DENND2A: variants seen among roughly 807,000 people sequenced by gnomAD.
DENND2A encodes the protein DENN domain containing 2A.
In DENND2A, 53 loss-of-function variants were observed where a neutral mutation model predicts 105.3. The observed-to-expected ratio is 0.50, with a 90% CI of 0.40 to 0.63. DENND2A has a LOEUF of 0.63. Among genes scored for constraint, DENND2A ranks in the 30% least tolerant of loss-of-function variants. The pLI, the probability that DENND2A is intolerant of heterozygous loss-of-function variation, is 0.00. For synonymous variants in DENND2A, 522 were observed against 508.4 expected, an observed-to-expected ratio of 1.03 and a Z score of -0.36; for missense variants, 1,138 against 1,279.6, an observed-to-expected ratio of 0.89 and a Z score of 1.69.
chr7:140,536,074 C>T (rs1585572558), intron 14 of DENND2A, among the ~76,000 whole-genome samples: 1 of 152,004 alleles, frequency 6.6e-6, no homozygotes, highest in East Asian at 1.9e-4. Flanking sequence ...TAGAGAAGGC[C>T]GGGCATGGTG....
chr7:140,635,047 G>C (rs1463795779), intron 1 of DENND2A, among the ~76,000 whole-genome samples: 2 of 152,030 alleles, frequency 1.3e-5, no homozygotes, highest in African/African-American at 2.4e-5. Flanking sequence ...TGGATTGCTT[G>C]AGTCCAGGAG....
chr7:140,531,053 A>C (rs965790259), intron 14 of DENND2A, among the ~76,000 whole-genome samples: 1 of 152,182 alleles, frequency 6.6e-6, no homozygotes, highest in Non-Finnish European at 1.5e-5. Context: ...CTTTCGAAGG[A>C]TCTAGATCTA....
Position 140,527,425 on chromosome 7 carries a change from G to T in DENND2A, c.2398C>A (p.Pro800Thr), listed in dbSNP as rs1796099165. 1 of 1,600,988 alleles carries T rather than the reference G, an allele frequency of 6.2e-7. No individual in the cohort carries two copies. Among genetic ancestry groups the T allele is most frequent in the Non-Finnish European group, 8.5e-7 (1 of 1,175,620 alleles). The change falls in exon 15 of 20, where the codon CCG becomes ACG. Residue 800 changes from proline to threonine, a missense_variant. This residue lies in a region of DENND2A where 627 missense variants were observed against 779.8 expected (regional missense o/e 0.80). Transcript: ENST00000496613. This position sits in a 1 kb window ranked among gnomAD's most constrained non-coding sequence, Gnocchi z 4.9. ...TCGACCATGGCGGGTGGCAGCACCG[G>T]GATGTAGGTGTGCTGCCAGGCGAAG... ...YPFAWQHTYIPVLPPAMVDIV... is the reference protein window; with the variant it reads ...YPFAWQHTYITVLPPAMVDIV...
chr7:140,557,531 A>ATTT (rs1156756617), intron 11 of DENND2A, among the ~76,000 whole-genome samples: 9 of 39,646 alleles, frequency 2.3e-4, no homozygotes, highest in Admixed American at 3.9e-4. Flanking sequence ...ATATATATAT[A>ATTT]TTTTTTTTTT....
Position 140,521,848 on chromosome 7 carries a change from CCCTCA to C in DENND2A, c.2911+2_2911+6del. ...GACTCGGCCCCAACAGAGAAGATGC[CCCTCA>C]CCTTTGGCATCCTGCCGGCGCAGCT... is the stretch of plus-strand genomic sequence containing the variant. On this transcript the variant is annotated splice_donor_variant and splice_donor_5th_base_variant and intron_variant, in intron 18 of 19. Transcript: ENST00000496613. LOFTEE classifies it high-confidence loss of function. The C allele has an allele frequency of 6.2e-7, 1 of 1,613,474 alleles. No individual in the cohort carries two copies. Among genetic ancestry groups the C allele is most frequent in the Non-Finnish European group, 8.5e-7 (1 of 1,179,738 alleles).
Position 140,572,387 on chromosome 7 carries a change from A to G in DENND2A, c.1446+1421T>C, listed in dbSNP as rs1798127034. ...CAGACAGTGTCCCACACCGAAACTTATCTGCATAAAGTTTTACATTTTTAT... is the reference window on the plus strand; with the variant it reads ...CAGACAGTGTCCCACACCGAAACTTGTCTGCATAAAGTTTTACATTTTTAT... On this transcript the variant is annotated intron_variant, in intron 6 of 19. Transcript: ENST00000496613. 5.3e-5 allele frequency among the ~76,000 whole-genome samples: 8 copies of G among 152,012 alleles called. No individual in the cohort carries two copies. In the South Asian group the frequency reaches 1.7e-3, roughly 32 times the overall value.
At position 140,602,542 on chromosome 7, in the gene DENND2A, C is replaced by T. The variant is rs1049767303; in HGVS notation, c.-145G>A. 9.1e-6 allele frequency: 7 copies of T among 769,002 alleles called. No homozygotes were observed. Among genetic ancestry groups the T allele is most frequent in the Non-Finnish European group, 1.3e-5 (7 of 530,516 alleles). 47.6% of individuals were successfully genotyped at this position (769,002 alleles called of 1,614,324 possible). ...CAGTCCTTGGACCTTCCACCTTGACCCTGCACAAGAAAGACAAACACCAGG... is the reference window on the plus strand; with the variant it reads ...CAGTCCTTGGACCTTCCACCTTGACTCTGCACAAGAAAGACAAACACCAGG... On this transcript the variant is annotated splice_region_variant and 5_prime_UTR_variant, in exon 3 of 20. Transcript: ENST00000496613.
intron 1 of DENND2A, among the ~76,000 whole-genome samples, chr7:140,612,127 G>A (rs1799922103): frequency 6.6e-6 from 1 of 152,060 alleles, no homozygotes; most frequent in Admixed American, 6.6e-5. Flanking sequence ...TGTAATCCCA[G>A]CTACTTGGGA....
At chr7:140,568,674 G>A (rs771974379) in intron 8 of DENND2A, 89 bp downstream of exon 8, 40 of 1,365,940 alleles carry the variant, frequency 2.9e-5, no homozygotes, top group Non-Finnish European at 4.1e-5. Flanking sequence ...CCGGCAGGAC[G>A]CTTCTGTCCC....
Position 140,534,081 on chromosome 7 carries a change from ATTTT to A in DENND2A, c.2328-6590_2328-6587del, listed in dbSNP as rs3042407. On this transcript the variant is annotated intron_variant, in intron 14 of 19. Coordinates refer to ENST00000496613, the MANE Select transcript of DENND2A (RefSeq NM_015689.5). Reference sequence around the variant, plus strand: ...GGCACGTGCCACCAATGCCTGGTTAATTTTTTTTTTTTTTTTTTTTTGAGATGGA... The same window carrying A: ...GGCACGTGCCACCAATGCCTGGTTAATTTTTTTTTTTTTTTTTGAGATGGA... Among the ~76,000 whole-genome samples, 616 of 80,098 alleles carry A rather than the reference ATTTT, an allele frequency of 7.7e-3. 23 individuals are homozygous for A. Among genetic ancestry groups the A allele is most frequent in the African/African-American group, 0.03 (587 of 19,540 alleles). 52.5% of individuals were successfully genotyped at this position (80,098 alleles called of 152,430 possible).
In DENND2A at chr7:140,602,463, C is replaced by A; in HGVS notation, c.-66G>T. On this transcript the variant is annotated 5_prime_UTR_variant, in exon 3 of 20. Coordinates refer to ENST00000496613, the MANE Select transcript of DENND2A (RefSeq NM_015689.5). ...CTCCTTCTGAAGCCTGACTCCTGAT[C>A]AGTCTCTAGGAATGGAATGGAGGAC... The A allele has an allele frequency of 1.4e-6, 2 of 1,480,028 alleles. No individual in the cohort carries two copies. The highest frequency in any genetic ancestry group is 8.9e-7 in the Non-Finnish European group (1 of 1,117,698). 91.7% of individuals were successfully genotyped at this position (1,480,028 alleles called of 1,614,324 possible).
chr7:140,633,049 GAC>G (rs1273759867), intron 1 of DENND2A, among the ~76,000 whole-genome samples: 1 of 142,478 alleles, frequency 7.0e-6, no homozygotes, highest in East Asian at 2.1e-4. Context: ...TTTTTTTTGA[GAC>G]AGAGTCTTGC....
chr7:140,606,341 T>G (rs1799686736), intron 1 of DENND2A, among the ~76,000 whole-genome samples: 1 of 151,946 alleles, frequency 6.6e-6, no homozygotes, highest in Non-Finnish European at 1.5e-5. Context: ...TGCCTGGCCC[T>G]CTTTGCATAT....
At chr7:140,630,393 G>C (rs1045048484) in intron 1 of DENND2A, among the ~76,000 whole-genome samples, 1 of 152,148 alleles carries the variant, frequency 6.6e-6, no homozygotes, top group Non-Finnish European at 1.5e-5. Context: ...ACGCGCACTG[G>C]CTTCTTTTTA....
rs772239377 is a variant in DENND2A, at chr7:140,602,007, G to A, written c.391C>T (p.Pro131Ser). 6.2e-7 allele frequency: 1 copy of A among 1,614,208 alleles called. No homozygotes were observed. The highest frequency in any genetic ancestry group is 8.5e-7 in the Non-Finnish European group (1 of 1,180,034). ...CAGCTAGGATCCACTTCCCGTTCTG[G>A]CTGGCTTAGGTCTTGCCCCGGCTCT... ...DPEPGQDLSQ[P>S]EREVDPSWGR... The change falls in exon 3 of 20, where the codon CCA becomes TCA. Residue 131 changes from proline to serine, a missense_variant. Coordinates refer to ENST00000496613, the MANE Select transcript of DENND2A (RefSeq NM_015689.5).
At chr7:140,519,578 GAGAC>G in intron 19 of DENND2A, 50 bp downstream of exon 19, 1 of 1,547,376 alleles carries the variant, frequency 6.5e-7, no homozygotes, top group Non-Finnish European at 8.9e-7. Context: ...CTGGGACTCC[GAGAC>G]AGACAGCTCA....
At chr7:140,624,407 G>A (rs373645564) in intron 1 of DENND2A, among the ~76,000 whole-genome samples, 9 of 152,166 alleles carry the variant, frequency 5.9e-5, no homozygotes, top group African/African-American at 1.9e-4. Context: ...CTGGAAAAGC[G>A]CCTGGCACAG....
intron 3 of DENND2A, among the ~76,000 whole-genome samples, chr7:140,592,687 C>A (rs550598948): frequency 6.6e-6 from 1 of 151,974 alleles, no homozygotes; most frequent in South Asian, 2.1e-4. Flanking sequence ...GCAACCTCCG[C>A]CTCCAGGGTT....
chr7:140,589,142 G>A (rs77989493), intron 3 of DENND2A, among the ~76,000 whole-genome samples: 8 of 152,100 alleles, frequency 5.3e-5, no homozygotes, highest in South Asian at 2.1e-4. Context: ...GGGTCTGACC[G>A]CAGGAAGTCT....
Sources: gnomAD v4.1 joint callset for allele counts (sites outside exome capture counted in the v4.1 genomes callset) on GRCh38, gnomAD v4.1.1 for gene constraint, gnomAD v4.1.1 regional missense constraint, Gnocchi (gnomAD v3.1) non-coding constraint, MANE v1.5 for transcripts, NCBI Gene and HGNC (gene_info 2026-07-23, HGNC 2026-07-21) for gene names.